Variants in CCNY observed in about 807,000 individuals in gnomAD.
CCNY encodes the protein cyclin Y.
Under a neutral mutation model 42.8 loss-of-function variants are expected in CCNY, and 19 were observed. The observed-to-expected ratio is 0.44, with a 90% CI of 0.31 to 0.65. The LOEUF (loss-of-function observed/expected upper bound fraction) is 0.65, where lower values mean the gene tolerates loss of function less well. Among genes scored for constraint, CCNY ranks in the 30% least tolerant of loss-of-function variants. The pLI is 0.07. For synonymous variants in CCNY, 165 were observed against 162.7 expected, an observed-to-expected ratio of 1.01 and a Z score of -0.11; for missense variants, 370 against 437.3, an observed-to-expected ratio of 0.85 and a Z score of 1.37.
chr10:35,543,019 G>T (rs1423616952), intron 7 of CCNY, among the ~76,000 whole-genome samples: 1 of 152,160 alleles, frequency 6.6e-6, no homozygotes, highest in African/African-American at 2.4e-5. Context: ...CACTGCCCAG[G>T]ATTTCATAAA....
At chr10:35,293,351 T>A (rs535846967) in intron 3 of CCNY, among the ~76,000 whole-genome samples, 1 of 152,326 alleles carries the variant, frequency 6.6e-6, no homozygotes, top group South Asian at 2.1e-4. Context: ...AACCATACTG[T>A]CTTGATTACT....
chr10:35,428,924 C>T (rs555668983), intron 1 of CCNY, among the ~76,000 whole-genome samples: 1 of 152,306 alleles, frequency 6.6e-6, no homozygotes, highest in African/African-American at 2.4e-5. Context: ...GGGCCCCTTA[C>T]TTAGGGCAAG....
chr10:35,408,974 T>C (rs927743021), intron 1 of CCNY, among the ~76,000 whole-genome samples: 4 of 151,766 alleles, frequency 2.6e-5, no homozygotes, highest in African/African-American at 7.3e-5. Flanking sequence ...ATTCTAGTTA[T>C]GAAGAAAAAC....
At chr10:35,381,951 A>T (rs1837194933) in intron 1 of CCNY, among the ~76,000 whole-genome samples, 1 of 144,088 alleles carries the variant, frequency 6.9e-6, no homozygotes, top group African/African-American at 2.9e-5. Context: ...ATTAAAACTT[A>T]TCACATTTAA....
intron 9 of CCNY, 70 bp downstream of exon 9, chr10:35,566,255 T>A (rs1362193400): frequency 6.9e-7 from 1 of 1,448,910 alleles, no homozygotes; most frequent in Non-Finnish European, 9.4e-7. Flanking sequence ...CAGAGATGCA[T>A]GTGGTCACAT....
chr10:35,551,276 G>A (rs554125463), intron 7 of CCNY, among the ~76,000 whole-genome samples: 1 of 152,252 alleles, frequency 6.6e-6, no homozygotes, highest in Non-Finnish European at 1.5e-5. Context: ...AGTAACAAGT[G>A]TGAATTCTTC....
At chr10:35,567,697 A>G (rs1453619967) in intron 9 of CCNY, among the ~76,000 whole-genome samples, 1 of 152,248 alleles carries the variant, frequency 6.6e-6, no homozygotes, top group Admixed American at 6.5e-5. Flanking sequence ...CGCTTAAGAA[A>G]GAAAAATGTT....
chr10:35,296,309 G>A (rs1442825196), intron 3 of CCNY, among the ~76,000 whole-genome samples: 1 of 152,216 alleles, frequency 6.6e-6, no homozygotes, highest in East Asian at 1.9e-4. Flanking sequence ...TTTGGGAGGG[G>A]TGGCTCACGC....
At chr10:35,314,661 A>G (rs1193838903) in intron 3 of CCNY, 1 of 152,106 alleles carries the variant, frequency 6.6e-6, no homozygotes, top group Non-Finnish European at 1.5e-5. Flanking sequence ...TACATTTATG[A>G]CACAGAAATG....
intron 1 of CCNY, among the ~76,000 whole-genome samples, chr10:35,413,624 T>G (rs1837960492): frequency 1.3e-5 from 2 of 152,036 alleles, no homozygotes; most frequent in African/African-American, 4.8e-5. Flanking sequence ...GAGGAAGATT[T>G]TTGAAGATTT....
chr10:35,524,839 G>A (rs891682482), intron 4 of CCNY, among the ~76,000 whole-genome samples: 6 of 152,110 alleles, frequency 3.9e-5, no homozygotes, highest in African/African-American at 1.4e-4. Flanking sequence ...CAAAACATTC[G>A]GGTCAGTGTC....
Position 35,483,401 on chromosome 10 carries a change from A to C in CCNY, c.155-3A>C. The C allele has an allele frequency of 6.3e-7, 1 of 1,590,378 alleles. No homozygotes were observed. Among genetic ancestry groups the C allele is most frequent in the South Asian group, 1.1e-5 (1 of 89,650 alleles). On this transcript the variant is annotated splice_polypyrimidine_tract_variant and splice_region_variant and intron_variant, in intron 1 of 9. Coordinates refer to ENST00000374704, the MANE Select transcript of CCNY (RefSeq NM_145012.6). ...CATATAATTTATTTTCCTTTCTTTA[A>C]AGATTTGAACATGGAATTCAATCCT...
intron 3 of CCNY, among the ~76,000 whole-genome samples, chr10:35,263,152 C>T (rs772919510): frequency 6.2e-4 from 94 of 151,784 alleles, no homozygotes; most frequent in Non-Finnish European, 1.1e-3. Context: ...GTTAGGGGAT[C>T]GAGGCCATCC....
At chr10:35,428,776 C>G (rs1006207277) in intron 1 of CCNY, among the ~76,000 whole-genome samples, 1 of 152,026 alleles carries the variant, frequency 6.6e-6, no homozygotes, top group African/African-American at 2.4e-5. Flanking sequence ...GTGGCATTGA[C>G]AGGACATGGT....
At chr10:35,479,838 A>C (rs148792684) in intron 1 of CCNY, among the ~76,000 whole-genome samples, 15 of 152,128 alleles carry the variant, frequency 9.9e-5, no homozygotes, top group African/African-American at 3.6e-4. Flanking sequence ...ACCTCATGGT[A>C]AACATTGGGG....
chr10:35,334,339 T>C (rs951658822), upstream of CCNY, among the ~76,000 whole-genome samples: 12 of 152,220 alleles, frequency 7.9e-5, no homozygotes, highest in African/African-American at 2.7e-4. Context: ...TATGGTCCAA[T>C]GACTGGATGC....
intron 1 of CCNY, among the ~76,000 whole-genome samples, chr10:35,384,855 G>C (rs1396307415): frequency 6.6e-6 from 1 of 152,166 alleles, no homozygotes; most frequent in Admixed American, 6.5e-5. Flanking sequence ...TGAGAATTCT[G>C]TTGGCTCCTC....
At chr10:35,514,330 T>C (rs954505502) in intron 3 of CCNY, among the ~76,000 whole-genome samples, 6 of 152,324 alleles carry the variant, frequency 3.9e-5, no homozygotes, top group Middle Eastern at 3.4e-3. Context: ...AGTTATTAAA[T>C]AGTTTAAAAG....
chr10:35,526,374 A>G (rs2135419098), intron 5 of CCNY, among the ~76,000 whole-genome samples: 1 of 152,366 alleles, frequency 6.6e-6, no homozygotes, highest in Admixed American at 6.5e-5. Flanking sequence ...GTTTGAATTC[A>G]GTAGAGGCAA....
Sources: allele counts gnomAD v4.1 joint callset (sites outside exome capture counted in the v4.1 genomes callset), GRCh38; gene constraint gnomAD v4.1.1; transcripts MANE v1.5; gene names NCBI Gene and HGNC (gene_info 2026-07-23, HGNC 2026-07-21).